Variants in EDRF1 observed in about 807,000 individuals in gnomAD.
EDRF1 encodes the protein erythroid differentiation-related factor 1.
In EDRF1, 69 loss-of-function variants were observed where a neutral mutation model predicts 148.7. The observed-to-expected ratio is 0.46, with a 90% CI of 0.38 to 0.57. The LOEUF is 0.57. Among genes scored for constraint, EDRF1 ranks in the 20% least tolerant of loss-of-function variants. The pLI is 0.00. For missense variants in EDRF1, 1,118 were observed against 1,478.7 expected, an observed-to-expected ratio of 0.76 and a Z score of 4.00; for synonymous variants, 515 against 532.8, an observed-to-expected ratio of 0.97 and a Z score of 0.46.
chr10:125,740,397 T>C, intron 15 of EDRF1, 66 bp from the exon 16 acceptor site: 1 of 1,525,610 alleles, frequency 6.6e-7, no homozygotes, highest in African/African-American at 1.4e-5. Context: ...ACAGAAAATA[T>C]TTTTTGTGCA....
At chr10:125,721,536 A>G (rs889939373) in intron 2 of EDRF1, 124 bp downstream of exon 2, 8 of 956,350 alleles carry the variant, frequency 8.4e-6, no homozygotes, top group Admixed American at 4.0e-5. Flanking sequence ...GAAAGATCAC[A>G]TTTGATTTTC....
chr10:125,753,883 G>A (rs774478535), intron 24 of EDRF1, 38 bp downstream of exon 24: 47 of 1,604,986 alleles, frequency 2.9e-5, no homozygotes, highest in Non-Finnish European at 3.9e-5. Flanking sequence ...TTCTTTCCTA[G>A]CACCCTACCT....
rs1848233577 is a variant in EDRF1 at position 125,725,851 on chromosome 10, A to G, written c.792+13A>G. ...TGCTTCCAGTCAGGTTAGTACTTAA[A>G]TGCTAATTCTAGAAACTCACATAGG... On this transcript the variant is annotated intron_variant, in intron 6 of 24. Transcript: ENST00000356792. 3 of 1,611,758 alleles carry G rather than the reference A, an allele frequency of 1.9e-6. No individual in the cohort carries two copies. The highest frequency in any genetic ancestry group is 1.7e-5 in the Admixed American group (1 of 59,966).
At chr10:125,728,965 G>A in intron 6 of EDRF1, 38 bp from the exon 7 acceptor site, 3 of 1,475,436 alleles carry the variant, frequency 2.0e-6, no homozygotes, top group Non-Finnish European at 2.7e-6. Flanking sequence ...AAGAAATGTT[G>A]ACAGCAGAAT....
chr10:125,754,664 G>A (rs1033925243), intron 24 of EDRF1, among the ~76,000 whole-genome samples: 1 of 152,058 alleles, frequency 6.6e-6, no homozygotes, highest in Non-Finnish European at 1.5e-5. Context: ...TTGTTATTTT[G>A]GCATTATTGA....
Position 125,729,428 on chromosome 10 carries a change from A to G in EDRF1, c.965A>G (p.Asn322Ser), listed in dbSNP as rs1848401462. 3 of 1,614,068 alleles carry G rather than the reference A, an allele frequency of 1.9e-6. No individual in the cohort carries two copies. Among genetic ancestry groups the G allele is most frequent in the Non-Finnish European group, 1.7e-6 (2 of 1,180,024 alleles). Residue 322 changes from asparagine to serine, a missense_variant, in exon 8 of 25, where the codon AAC (asparagine) becomes AGC (serine). Asn to Ser is a conservative substitution (Grantham distance 46). Transcript: ENST00000356792. ...FEDIHMLVGS[N>S]MPIFGGGRYP... is the part of the protein sequence containing the mutation. ...GATATCCATATGTTGGTCGGCTCCA[A>G]CATGCCCATATTTGGAGGAGGCAGA...
intron 13 of EDRF1, among the ~76,000 whole-genome samples, chr10:125,736,235 A>T (rs1022636269): frequency 6.6e-6 from 1 of 152,150 alleles, no homozygotes; most frequent in African/African-American, 2.4e-5. Flanking sequence ...CTGGGAAATG[A>T]CATATATAGA....
intron 13 of EDRF1, 86 bp from the exon 14 acceptor site, chr10:125,737,832 T>C: frequency 1.5e-6 from 2 of 1,320,372 alleles, no homozygotes; most frequent in Non-Finnish European, 1.1e-6. Context: ...TTGATAATGC[T>C]TACAGTAATT....
At chr10:125,727,463 CCAGA>C (rs1239331954) in intron 6 of EDRF1, among the ~76,000 whole-genome samples, 1 of 152,190 alleles carries the variant, frequency 6.6e-6, no homozygotes, top group Non-Finnish European at 1.5e-5. Context: ...GGTCCTAGAG[CCAGA>C]CATTTATTGA....
rs1848091027 is a variant in EDRF1, at chr10:125,723,268, A to C, written c.384+134A>C. Reference sequence around the variant, plus strand: ...GATGAAATAAGATAAAACTTACCTGATTATTGAGTATCTTTTTTGTTGTTA... The same window carrying C: ...GATGAAATAAGATAAAACTTACCTGCTTATTGAGTATCTTTTTTGTTGTTA... On this transcript the variant is annotated intron_variant, in intron 3 of 24. Coordinates refer to ENST00000356792, the MANE Select transcript of EDRF1 (RefSeq NM_001202438.2). 5.0e-6 allele frequency: 4 copies of C among 801,976 alleles called. No individual in the cohort carries two copies. In the South Asian group the frequency reaches 5.6e-5, roughly 11 times the overall value. 49.7% of individuals were successfully genotyped at this position (801,976 alleles called of 1,614,324 possible).
At chr10:125,742,958 C>G (rs1473745241) in intron 17 of EDRF1, 100 bp from the exon 18 acceptor site, 41 of 1,530,504 alleles carry the variant, frequency 2.7e-5, no homozygotes, top group South Asian at 8.4e-5. Context: ...CACTATATTG[C>G]ATTTTTTATT....
chr10:125,756,465 T>C (rs1006320188), intron 24 of EDRF1, among the ~76,000 whole-genome samples: 5 of 152,240 alleles, frequency 3.3e-5, no homozygotes, highest in African/African-American at 1.2e-4. Context: ...TTCATAGTAT[T>C]GTTCAGGTCT....
rs1848208309 is a variant in EDRF1, at chr10:125,725,376, A to AAT, written c.569_570insAT (p.Arg191Ter). ...CAAAGACTCATTGATCAGAAGTGGC[A>AAT]GAGGAAGAAAAAGAGCAAAGAGCAC... On this transcript the variant is annotated frameshift_variant, in exon 5 of 25. Transcript: ENST00000356792. LOFTEE classifies it high-confidence loss of function. 1 of 1,613,930 alleles carries AAT rather than the reference A, an allele frequency of 6.2e-7. No individual in the cohort carries two copies. The highest frequency in any genetic ancestry group is 1.3e-5 in the African/African-American group (1 of 74,940).
intron 17 of EDRF1, among the ~76,000 whole-genome samples, chr10:125,741,947 GC>G (rs1356342598): frequency 1.3e-5 from 2 of 152,126 alleles, no homozygotes; most frequent in Admixed American, 6.5e-5. Flanking sequence ...TCCCACCTTG[GC>G]CTCCCAAAGT....
intron 8 of EDRF1, 95 bp from the exon 9 acceptor site, chr10:125,730,193 C>A: frequency 2.1e-6 from 2 of 958,792 alleles, no homozygotes; most frequent in Non-Finnish European, 3.3e-6. Context: ...CTAGAGAGGA[C>A]AGCTTAAGAT....
intron 6 of EDRF1, 91 bp from the exon 7 acceptor site, chr10:125,728,912 G>A (rs1848379857): frequency 6.2e-6 from 6 of 964,342 alleles, no homozygotes; most frequent in Non-Finnish European, 9.1e-6. Context: ...TGAAGTGTGT[G>A]CTTTGAATAT....
At chr10:125,742,941 A>G in intron 17 of EDRF1, 117 bp from the exon 18 acceptor site, 1 of 1,473,856 alleles carries the variant, frequency 6.8e-7, no homozygotes, top group African/African-American at 1.4e-5. Context: ...GAATCTTGGT[A>G]TACTTACACT....
rs201415976 is a variant in EDRF1 at position 125,733,727 on chromosome 10, G to A, written c.1369G>A (p.Ala457Thr). The change falls in exon 11 of 25, where the codon GCC becomes ACC. Residue 457 changes from alanine to threonine, a missense_variant. Physicochemically the swap from Ala to Thr is moderately conservative, Grantham distance 58. Transcript: ENST00000356792. Reference protein sequence around the residue: ...KYQNPFTMPVAILLYKVACNM... With the variant: ...KYQNPFTMPVTILLYKVACNM... The stretch of plus-strand genomic sequence containing the variant: ...CCAAAATCCATTCACAATGCCGGTA[G>A]CCATTCTCTTGTACAAGTGAGTGCT... 1.2e-6 allele frequency: 2 copies of A among 1,612,900 alleles called. No homozygotes were observed. Among genetic ancestry groups the A allele is most frequent in the Non-Finnish European group, 1.7e-6 (2 of 1,179,090 alleles).
At chr10:125,757,293 C>G (rs1849950712) in intron 24 of EDRF1, among the ~76,000 whole-genome samples, 1 of 152,138 alleles carries the variant, frequency 6.6e-6, no homozygotes, top group Non-Finnish European at 1.5e-5. Flanking sequence ...TTGCAGTATA[C>G]ATCGTTAATC....
Sources: gnomAD v4.1 joint callset for allele counts (sites outside exome capture counted in the v4.1 genomes callset) on GRCh38, gnomAD v4.1.1 for gene constraint, MANE v1.5 for transcripts, NCBI Gene and HGNC (gene_info 2026-07-23, HGNC 2026-07-21) for gene names.